Variants in ANOS1 observed in about 807,000 individuals in gnomAD.
ANOS1 encodes anosmin-1.
In ANOS1, 6 loss-of-function variants were observed where a neutral mutation model predicts 59.0. The ratio of observed to expected loss-of-function variants is 0.10; its 90% CI spans 0.06 to 0.20. The LOEUF (loss-of-function observed/expected upper bound fraction) is 0.20. Among genes scored for constraint, ANOS1 ranks in the 10% least tolerant of loss-of-function variants. ANOS1 has a pLI of 1.00. For missense variants in ANOS1, 433 were observed against 542.3 expected (o/e 0.80, Z 2.00); for synonymous variants, 217 against 223.4 (o/e 0.97, Z 0.25).
chrX:8,659,406 T>TTC lies in ANOS1; in HGVS notation c.256-35738_256-35737dup, dbSNP rs373535341. ...AGCCTGAGCGACAGAGTGAGACTCT[T>TTC]TCTCTCTCTCTCTCTTTCTTTTTCT... On this transcript the variant is annotated intron_variant, in intron 2 of 13. Transcript: ENST00000262648. Among the ~76,000 whole-genome samples, 445 of 108,421 alleles carry TTC rather than the reference T, an allele frequency of 4.1e-3. 1 individual carries two copies. The highest frequency in any genetic ancestry group is 0.014 in the African/African-American group (418 of 29,811). 94.2% of individuals were successfully genotyped at this position (108,421 alleles called of 115,157 possible).
At chrX:8,659,584 G>GCCTTCCTTCCTTCCTT (rs201790891) in intron 2 of ANOS1, among the ~76,000 whole-genome samples, 3 of 57,687 alleles carry the variant, frequency 5.2e-5, no homozygotes, top group African/African-American at 3.1e-4. Flanking sequence ...TTGCTTGCTT[G>GCCTTCCTTCCTTCCTT]CCTTCCTTCC....
At chrX:8,552,183 C>T (rs1268764817) in intron 9 of ANOS1, among the ~76,000 whole-genome samples, 1 of 112,226 alleles carries the variant, frequency 8.9e-6, no homozygotes, top group Admixed American at 9.4e-5. Context: ...GGTAAACTTA[C>T]AAAGATGGAA....
At chrX:8,714,241 G>A (rs1932829141) in intron 1 of ANOS1, among the ~76,000 whole-genome samples, 1 of 111,457 alleles carries the variant, frequency 9.0e-6, no homozygotes, top group Admixed American at 9.6e-5. Flanking sequence ...GACTTTAAAG[G>A]CACTCTCAAA....
intron 2 of ANOS1, among the ~76,000 whole-genome samples, chrX:8,673,497 T>C (rs1357454807): frequency 9.2e-6 from 1 of 108,639 alleles, no homozygotes; most frequent in Non-Finnish European, 1.9e-5. Context: ...TTTTTCCAAA[T>C]GCCCTCAAAA....
chrX:8,606,797 G>A (rs1450601760), intron 3 of ANOS1, among the ~76,000 whole-genome samples: 2 of 112,633 alleles, frequency 1.8e-5, no homozygotes, highest in Admixed American at 9.4e-5. Context: ...AATTTTTAAT[G>A]GGCATGTATA....
At chrX:8,567,476 T>C (rs989231674) in intron 8 of ANOS1, among the ~76,000 whole-genome samples, 4 of 111,837 alleles carry the variant, frequency 3.6e-5, no homozygotes, top group Non-Finnish European at 7.5e-5. Flanking sequence ...ATTTGGGAGA[T>C]AAATATGTAA....
At chrX:8,629,161 A>G (rs1050852563) in intron 2 of ANOS1, among the ~76,000 whole-genome samples, 1 of 111,421 alleles carries the variant, frequency 9.0e-6, no homozygotes, top group Non-Finnish European at 1.9e-5. Flanking sequence ...AGGTGGGAGG[A>G]TCACTTAAGC....
intron 3 of ANOS1, among the ~76,000 whole-genome samples, chrX:8,613,951 C>T (rs149766260): frequency 2.9e-3 from 327 of 112,318 alleles, no homozygotes; most frequent in African/African-American, 9.9e-3. Flanking sequence ...ACACCATATA[C>T]CTACTGAATA....
Position 8,570,484 on chromosome X carries a change from C to T in ANOS1, c.1062+15G>A, listed in dbSNP as rs375294529. The T allele has an allele frequency of 4.2e-6, 5 of 1,187,868 alleles. No homozygotes were observed. The highest frequency in any genetic ancestry group is 5.7e-6 in the Non-Finnish European group (5 of 875,442). ...CTCTGTGGGAATAACAATCCTTCCT[C>T]CAGTTCCCACTCACCCCATCCGTAG... On this transcript the variant is annotated intron_variant, in intron 7 of 13. Coordinates refer to ENST00000262648, the MANE Select transcript of ANOS1 (RefSeq NM_000216.4).
Position 8,553,950 on chromosome X carries a change from AC to A in ANOS1, c.1354+1del, listed in dbSNP as rs764687970. 18 of 1,205,938 alleles carry A rather than the reference AC, an allele frequency of 1.5e-5. No individual in the cohort carries two copies. The highest frequency in any genetic ancestry group is 2.0e-5 in the Non-Finnish European group (18 of 890,280). On this transcript the variant is annotated splice_donor_variant, in intron 9 of 13. Transcript: ENST00000262648. LOFTEE classifies it high-confidence loss of function. ...AGAAATAAGTAAGTAATGTTTATGT[AC>A]CTTCTGTCTTCTTCCAGTAGACTTT...
At chrX:8,654,808 G>C (rs1931904792) in intron 2 of ANOS1, among the ~76,000 whole-genome samples, 1 of 112,177 alleles carries the variant, frequency 8.9e-6, no homozygotes. Context: ...TCTGACATTT[G>C]CTTTTGTACA....
chrX:8,655,492 T>C (rs1234441619), intron 2 of ANOS1, among the ~76,000 whole-genome samples: 1 of 111,645 alleles, frequency 9.0e-6, no homozygotes, highest in Non-Finnish European at 1.9e-5. Flanking sequence ...TAACAGGCCA[T>C]GGACCATTAG....
chrX:8,682,367 C>T (rs1932439617), intron 2 of ANOS1, among the ~76,000 whole-genome samples: 1 of 108,738 alleles, frequency 9.2e-6, no homozygotes, highest in East Asian at 2.9e-4. Context: ...CACACACACA[C>T]ACACACACAC....
chrX:8,596,674 T>G (rs956669933), intron 4 of ANOS1, among the ~76,000 whole-genome samples: 1 of 111,710 alleles, frequency 9.0e-6, no homozygotes, highest in Non-Finnish European at 1.9e-5. Flanking sequence ...GTGTGCTTCA[T>G]CTCCCAGCCT....
At chrX:8,562,737 C>T (rs1220210692) in intron 8 of ANOS1, among the ~76,000 whole-genome samples, 2 of 111,813 alleles carry the variant, frequency 1.8e-5, no homozygotes, top group Non-Finnish European at 1.9e-5. Flanking sequence ...TTCAAAGAAG[C>T]AAGCTACCTT....
At chrX:8,680,053 C>A (rs1335238918) in intron 2 of ANOS1, among the ~76,000 whole-genome samples, 2 of 106,010 alleles carry the variant, frequency 1.9e-5, no homozygotes, top group African/African-American at 7.0e-5. Flanking sequence ...CCCAACTACT[C>A]GGGAGGCTGA....
intron 6 of ANOS1, among the ~76,000 whole-genome samples, chrX:8,579,753 C>T (rs183207262): frequency 7.1e-4 from 79 of 111,675 alleles, no homozygotes; most frequent in Middle Eastern, 4.6e-3. Flanking sequence ...GGAACAGCTG[C>T]AGACAAAGAC....
At position 8,567,035 on chromosome X, in the gene ANOS1, G is replaced by A. The variant is rs1053589828; in HGVS notation, c.1207+1197C>T. On this transcript the variant is annotated intron_variant, in intron 8 of 13. Transcript: ENST00000262648. ...CATCGGAGGAGCCCCTGCGACAAAC[G>A]CCTCCTCCCTCCTACTCTCATTTAA... Among the ~76,000 whole-genome samples the A allele has an allele frequency of 7.2e-5, 8 of 111,712 alleles. No homozygotes were observed. In the South Asian group the frequency reaches 2.3e-3, roughly 31 times the overall value.
intron 6 of ANOS1, among the ~76,000 whole-genome samples, chrX:8,580,172 C>A (rs1442345799): frequency 8.9e-6 from 1 of 112,156 alleles, no homozygotes; most frequent in Non-Finnish European, 1.9e-5. Context: ...CCAGGAATGA[C>A]CTGTGAAGGT....
Sources: allele counts gnomAD v4.1 joint callset (sites outside exome capture counted in the v4.1 genomes callset), GRCh38; gene constraint gnomAD v4.1.1; transcripts MANE v1.5; gene names NCBI Gene and HGNC (gene_info 2026-07-23, HGNC 2026-07-21).